KCNJ18: variants seen among roughly 807,000 people sequenced by gnomAD.
The protein encoded by KCNJ18 is potassium inwardly rectifying channel subfamily J member 18.
KCNJ18 carries 16 observed loss-of-function variants against 17.3 expected under a neutral mutation model. That is an observed-to-expected ratio of 0.92 (90% CI 0.62 to 1.40). The LOEUF (loss-of-function observed/expected upper bound fraction) is 1.40. KCNJ18 is among the 40% of genes most tolerant of loss of function. The pLI, the probability that KCNJ18 is intolerant of heterozygous loss-of-function variation, is 0.00. For missense variants in KCNJ18, 462 were observed against 626.8 expected, an observed-to-expected ratio of 0.74 and a Z score of 2.81; for synonymous variants, 185 against 262.6, an observed-to-expected ratio of 0.70 and a Z score of 2.86.
intron 2 of KCNJ18, among the ~76,000 whole-genome samples, chr17:21,698,427 C>G (rs1311032329): frequency 1.3e-5 from 2 of 152,042 alleles, no homozygotes; most frequent in Non-Finnish European, 2.9e-5. Context: ...GTTCGTGCCT[C>G]ATGAGGCGCC....
intron 2 of KCNJ18, among the ~76,000 whole-genome samples, chr17:21,697,282 G>T (rs1180569987): frequency 6.6e-6 from 1 of 152,310 alleles, no homozygotes; most frequent in Admixed American, 6.5e-5. Flanking sequence ...GTGATGTGTT[G>T]CTGCTGCCTC....
rs1174848520 is a variant in KCNJ18, at chr17:21,702,757, G to A, written c.-30G>A. 3.2e-6 allele frequency: 5 copies of A among 1,556,190 alleles called. No homozygotes were observed. The African/African-American group carries it at 6.8e-5, about 21-fold the overall frequency. On this transcript the variant is annotated 5_prime_UTR_variant, in exon 3 of 3. Coordinates refer to ENST00000567955, the MANE Select transcript of KCNJ18 (RefSeq NM_001194958.2). The stretch of plus-strand genomic sequence containing the variant: ...AGCCGCCCTGCCTGGAGCTAGCCTG[G>A]GGGTGAGCCAGGGTCCCCCAACCCC...
Position 21,702,797 on chromosome 17 carries a change from C to G in KCNJ18, c.11C>G (p.Ala4Gly), listed in dbSNP as rs1161121103. MTA[A>G]SRANPYSIVS... is the part of the protein sequence containing the mutation. ...CCCCCAACCCCCGGGATGACCGCGG[C>G]CAGCCGGGCCAACCCCTACAGCATC... Residue 4 changes from alanine (A) to glycine (G), a missense_variant, in exon 3 of 3, where the codon GCC becomes GGC. By Grantham distance (60) the Ala-to-Gly change is moderately conservative. This residue lies in a region of KCNJ18 where 237 missense variants were observed against 259.4 expected (regional missense o/e 0.91). Coordinates refer to ENST00000567955, the MANE Select transcript of KCNJ18 (RefSeq NM_001194958.2). 2 of 1,589,322 alleles carry G rather than the reference C, an allele frequency of 1.3e-6. No homozygotes were observed. The highest frequency in any genetic ancestry group is 2.7e-5 in the African/African-American group (2 of 74,654).
chr17:21,694,853 ATC>A (rs1193039174), intron 1 of KCNJ18, among the ~76,000 whole-genome samples: 1 of 150,944 alleles, frequency 6.6e-6, no homozygotes, highest in Non-Finnish European at 1.5e-5. Flanking sequence ...TCATCCATTA[ATC>A]TGTTCATCCA....
chr17:21,693,980 G>A (rs1212956599), intron 1 of KCNJ18, among the ~76,000 whole-genome samples: 3 of 152,146 alleles, frequency 2.0e-5, no homozygotes, highest in African/African-American at 7.2e-5. Context: ...GGGACTGAAG[G>A]GCCACTAGAG....
At chr17:21,693,420 C>T (rs1905662783) in intron 1 of KCNJ18, among the ~76,000 whole-genome samples, 1 of 152,310 alleles carries the variant, frequency 6.6e-6, no homozygotes, top group Admixed American at 6.5e-5. Flanking sequence ...CTGGTGCAAG[C>T]CAGGTGACCA....
chr17:21,697,812 G>T (rs1350722651), intron 2 of KCNJ18, among the ~76,000 whole-genome samples: 2 of 152,426 alleles, frequency 1.3e-5, no homozygotes, highest in Non-Finnish European at 2.9e-5. Context: ...CCCCAGTGCT[G>T]CATCTGATGA....
chr17:21,698,486 T>C (rs1905837026), intron 2 of KCNJ18, among the ~76,000 whole-genome samples: 1 of 151,800 alleles, frequency 6.6e-6, no homozygotes, highest in Non-Finnish European at 1.5e-5. Flanking sequence ...TGTTGGCGCC[T>C]CCCCCTCCGA....
chr17:21,696,374 C>T (rs1259263723), intron 2 of KCNJ18, among the ~76,000 whole-genome samples: 1 of 152,156 alleles, frequency 6.6e-6, no homozygotes, highest in Non-Finnish European at 1.5e-5. Flanking sequence ...CCTAGCCAGT[C>T]CATCTATCTG....
At position 21,703,071 on chromosome 17, in the gene KCNJ18, G is replaced by C; in HGVS notation, c.285G>C (p.Trp95Cys). 1 of 1,613,120 alleles carries C rather than the reference G, an allele frequency of 6.2e-7. No individual in the cohort carries two copies. Among genetic ancestry groups the C allele is most frequent in the Non-Finnish European group, 8.5e-7 (1 of 1,179,890 alleles). ...TCTCGCTGGCCTTCCTTGCCTCCTG[G>C]CTGCTGTTCGGCGTCATCTTCTGGG... Reference protein sequence around the residue: ...LIFSLAFLASWLLFGVIFWVI... With the variant: ...LIFSLAFLASCLLFGVIFWVI... Residue 95 changes from tryptophan to cysteine, a missense_variant, in exon 3 of 3, where the codon TGG becomes TGC. By Grantham distance (215) the Trp-to-Cys change is radical. This residue lies in a region of KCNJ18 where 237 missense variants were observed against 259.4 expected (regional missense o/e 0.91). Coordinates refer to ENST00000567955, the MANE Select transcript of KCNJ18 (RefSeq NM_001194958.2).
At chr17:21,694,336 G>A (rs1357795314) in intron 1 of KCNJ18, among the ~76,000 whole-genome samples, 10,993 of 118,682 alleles carry the variant, frequency 0.093, 24 homozygotes, top group African/African-American at 0.12. Context: ...TGATTCTCAC[G>A]GCACACTGGA....
At chr17:21,696,724 G>T (rs1398573495) in intron 2 of KCNJ18, among the ~76,000 whole-genome samples, 4 of 152,080 alleles carry the variant, frequency 2.6e-5, no homozygotes, top group Non-Finnish European at 4.4e-5. Flanking sequence ...GGTGGAGGAG[G>T]CGGAGGAGAA....
chr17:21,703,100 T>C lies in KCNJ18; in HGVS notation c.314T>C (p.Ile105Thr). ...CTGTTCGGCGTCATCTTCTGGGTCA[T>C]CGCGGTGGCACACGGTGACCTGGAG... ...WLLFGVIFWVIAVAHGDLEPA... is the reference protein window; with the variant it reads ...WLLFGVIFWVTAVAHGDLEPA... The change falls in exon 3 of 3, where the codon ATC becomes ACC. Residue 105 changes from isoleucine to threonine, a missense_variant. By Grantham distance (89) the Ile-to-Thr change is moderately conservative. Transcript: ENST00000567955. The C allele has an allele frequency of 6.2e-7, 1 of 1,612,744 alleles. No individual in the cohort carries two copies. The highest frequency in any genetic ancestry group is 1.1e-5 in the South Asian group (1 of 90,958).
At chr17:21,692,969 C>T (rs1430948952) in intron 1 of KCNJ18, among the ~76,000 whole-genome samples, 10 of 152,306 alleles carry the variant, frequency 6.6e-5, no homozygotes, top group African/African-American at 1.4e-4. Context: ...TGCCCTGTTC[C>T]GTGGGGGATT....
intron 2 of KCNJ18, among the ~76,000 whole-genome samples, chr17:21,702,444 C>A (rs1905990865): frequency 6.6e-6 from 1 of 152,034 alleles, no homozygotes; most frequent in African/African-American, 2.4e-5. Flanking sequence ...TAGATTCAGG[C>A]CTTGAGGGTG....
At chr17:21,699,782 G>A (rs1313750600) in intron 2 of KCNJ18, among the ~76,000 whole-genome samples, 3 of 152,306 alleles carry the variant, frequency 2.0e-5, no homozygotes, top group African/African-American at 7.2e-5. Context: ...GATGCCAGGA[G>A]CTGTGGCAGC....
At chr17:21,702,619 G>C in intron 2 of KCNJ18, 112 bp from the exon 3 acceptor site, 1 of 807,766 alleles carries the variant, frequency 1.2e-6, no homozygotes, top group Non-Finnish European at 1.9e-6. Flanking sequence ...GAGCATGATT[G>C]TGGGTCAATC....
chr17:21,700,073 T>A (rs1473494036), intron 2 of KCNJ18, among the ~76,000 whole-genome samples: 1 of 125,152 alleles, frequency 8.0e-6, no homozygotes, highest in Non-Finnish European at 1.8e-5. Context: ...GCTGAGCCCC[T>A]TTCCCAGCAC....
At chr17:21,699,737 A>T (rs1369426882) in intron 2 of KCNJ18, among the ~76,000 whole-genome samples, 1 of 152,304 alleles carries the variant, frequency 6.6e-6, no homozygotes, top group African/African-American at 2.4e-5. Flanking sequence ...GTATGACACC[A>T]TCTGGGCAGG....
Sources: gnomAD v4.1 joint callset for allele counts (sites outside exome capture counted in the v4.1 genomes callset) on GRCh38, gnomAD v4.1.1 for gene constraint, gnomAD v4.1.1 regional missense constraint, MANE v1.5 for transcripts, NCBI Gene and HGNC (gene_info 2026-07-23, HGNC 2026-07-21) for gene names.